The following GLRX3 variants were observed in gnomAD, a reference collection of about 807,000 sequenced individuals.
The protein encoded by GLRX3 is glutaredoxin 3, also known as glutaredoxin-3.
GLRX3 carries 22 observed loss-of-function variants against 49.5 expected under a neutral mutation model. The observed-to-expected ratio is 0.44, with a 90% CI of 0.32 to 0.63. The LOEUF is 0.63. GLRX3 is among the 30% of genes least tolerant of loss of function. The pLI, the probability that GLRX3 is intolerant of heterozygous loss-of-function variation, is 0.05. For synonymous variants in GLRX3, 133 were observed against 140.0 expected, an observed-to-expected ratio of 0.95 and a Z score of 0.35; for missense variants, 385 against 396.3, an observed-to-expected ratio of 0.97 and a Z score of 0.24.
At chr10:130,174,805 A>G (rs1015946070) in intron 8 of GLRX3, 62 bp from the exon 9 acceptor site, 3 of 1,017,514 alleles carry the variant, frequency 2.9e-6, no homozygotes, top group South Asian at 1.3e-5. Flanking sequence ...CATCAAATGC[A>G]TAGAGGTTTT....
intron 8 of GLRX3, 79 bp from the exon 9 acceptor site, chr10:130,174,788 T>C (rs28548207): frequency 0.054 from 49,524 of 912,070 alleles, 2,155 homozygotes; most frequent in African/African-American, 0.19. Context: ...CTTGATTATT[T>C]TAAAAACATC....
At chr10:130,172,345 A>G (rs1253968756) in intron 8 of GLRX3, among the ~76,000 whole-genome samples, 1 of 152,248 alleles carries the variant, frequency 6.6e-6, no homozygotes, top group East Asian at 1.9e-4. Flanking sequence ...TCTGAGAGGT[A>G]GCACAAGTTA....
At chr10:130,171,104 G>A (rs772611176) in intron 7 of GLRX3, among the ~76,000 whole-genome samples, 3 of 151,864 alleles carry the variant, frequency 2.0e-5, no homozygotes, top group East Asian at 1.9e-4. Flanking sequence ...TGGGGACAGA[G>A]TGAGACTCTG....
intron 2 of GLRX3, among the ~76,000 whole-genome samples, chr10:130,157,490 GCCGCCCCCCCCCCCCCCCC>G (rs1564993147): frequency 2.5e-4 from 3 of 11,928 alleles, no homozygotes; most frequent in African/African-American, 5.7e-4. Context: ...GATGGTGGCC[GCCGCCCCCCCCCCCCCCCC>G]CCCCCCCCGC....
At chr10:130,136,571 G>C in intron 1 of GLRX3, 59 bp downstream of exon 1, 1 of 1,242,686 alleles carries the variant, frequency 8.0e-7, no homozygotes, top group East Asian at 3.2e-5. Context: ...CCGCGAGACC[G>C]GGCCGGTGTG....
chr10:130,155,422 C>T (rs1309536037), intron 2 of GLRX3, among the ~76,000 whole-genome samples: 1 of 152,088 alleles, frequency 6.6e-6, no homozygotes, highest in Non-Finnish European at 1.5e-5. Flanking sequence ...AGCAGGTACC[C>T]CAGTTAGGAG....
chr10:130,139,540 G>A (rs906022110), intron 1 of GLRX3, among the ~76,000 whole-genome samples: 2 of 151,836 alleles, frequency 1.3e-5, no homozygotes, highest in African/African-American at 2.4e-5. Context: ...TACTCGGGAA[G>A]CTGAGGCAGG....
chr10:130,136,539 T>G, intron 1 of GLRX3, 27 bp downstream of exon 1: 1 of 1,255,008 alleles, frequency 8.0e-7, no homozygotes, highest in Non-Finnish European at 1.0e-6. Context: ...GCGGTAGGAG[T>G]GAGGAGCCGG....
At chr10:130,144,247 C>T (rs530584680) in intron 1 of GLRX3, among the ~76,000 whole-genome samples, 10 of 148,808 alleles carry the variant, frequency 6.7e-5, no homozygotes, top group Admixed American at 3.3e-4. Context: ...TCAGTTTCCA[C>T]TTTGCCCAGG....
intron 4 of GLRX3, among the ~76,000 whole-genome samples, chr10:130,164,877 G>A (rs1042984233): frequency 6.6e-6 from 1 of 152,224 alleles, no homozygotes; most frequent in Non-Finnish European, 1.5e-5. Context: ...GCCGTTAGCT[G>A]TTTACTAATG....
intron 4 of GLRX3, among the ~76,000 whole-genome samples, chr10:130,165,481 TGTA>T (rs1862663473): frequency 6.6e-6 from 1 of 152,110 alleles, no homozygotes; most frequent in Admixed American, 6.6e-5. Context: ...GTCGCTATAG[TGTA>T]GTAAAAAAAT....
chr10:130,157,721 A>G (rs1590065332), intron 2 of GLRX3, among the ~76,000 whole-genome samples: 1 of 152,014 alleles, frequency 6.6e-6, no homozygotes, highest in Non-Finnish European at 1.5e-5. Context: ...ATAACATGCT[A>G]AAATTTCGCA....
chr10:130,136,607 T>TCTTGGTGCCCGGCTC, intron 1 of GLRX3, 95 bp downstream of exon 1: 4 of 1,218,868 alleles, frequency 3.3e-6, no homozygotes, highest in Non-Finnish European at 4.1e-6. Flanking sequence ...CAGCCTGGCT[T>TCTTGGTGCCCGGCTC]CTTGGTGCCC....
intron 6 of GLRX3, 64 bp downstream of exon 6, chr10:130,167,044 T>G (rs1446282016): frequency 1.2e-6 from 1 of 853,982 alleles, no homozygotes; most frequent in African/African-American, 1.8e-5. Flanking sequence ...TTTAAAGTCC[T>G]CAGGTTTTGC....
intron 1 of GLRX3, among the ~76,000 whole-genome samples, chr10:130,140,025 A>G (rs1016091441): frequency 6.6e-6 from 1 of 152,254 alleles, no homozygotes; most frequent in Non-Finnish European, 1.5e-5. Flanking sequence ...AAAATTTGAC[A>G]TGAATTGAAA....
At chr10:130,143,087 AT>A (rs1862205557) in intron 1 of GLRX3, among the ~76,000 whole-genome samples, 2 of 152,168 alleles carry the variant, frequency 1.3e-5, no homozygotes. Context: ...CTGCACTATG[AT>A]TTGAGGCATA....
At chr10:130,148,619 G>C (rs1035939316) in intron 2 of GLRX3, among the ~76,000 whole-genome samples, 1 of 151,918 alleles carries the variant, frequency 6.6e-6, no homozygotes, top group Non-Finnish European at 1.5e-5. Flanking sequence ...TATTTTGTAG[G>C]AGCTGGTAAA....
intron 3 of GLRX3, among the ~76,000 whole-genome samples, chr10:130,160,539 A>C (rs1570796): frequency 0.22 from 33,114 of 152,078 alleles, 3,905 homozygotes; most frequent in South Asian, 0.3. Context: ...ATTCCAGCCA[A>C]TGTGGGGGCA....
chr10:130,172,950 A>C (rs1862841499), intron 8 of GLRX3, among the ~76,000 whole-genome samples: 1 of 152,170 alleles, frequency 6.6e-6, no homozygotes, highest in Non-Finnish European at 1.5e-5. Flanking sequence ...CAAAAAAAAG[A>C]TGTGGTTGTC....
Sources: gnomAD v4.1 joint callset for allele counts (sites outside exome capture counted in the v4.1 genomes callset) on GRCh38, gnomAD v4.1.1 for gene constraint, MANE v1.5 for transcripts, NCBI Gene and HGNC (gene_info 2026-07-23, HGNC 2026-07-21) for gene names.